ROBO2: variants seen among roughly 807,000 people sequenced by gnomAD.
ROBO2 encodes roundabout homolog 2.
In ROBO2, 53 loss-of-function variants were observed where a neutral mutation model predicts 160.8. That is an observed-to-expected ratio of 0.33 (90% CI 0.26 to 0.41). The LOEUF is 0.41. Among genes scored for constraint, ROBO2 ranks in the 10% least tolerant of loss-of-function variants. ROBO2 has a pLI of 1.00. For synonymous variants in ROBO2, 664 were observed against 611.7 expected (o/e 1.09, Z -1.26); for missense variants, 1,577 against 1,722.4 (o/e 0.92, Z 1.49).
intron 19 of ROBO2, among the ~76,000 whole-genome samples, chr3:77,601,543 C>T (rs1721175): frequency 0.56 from 85,548 of 151,868 alleles, 24,197 homozygotes; most frequent in Middle Eastern, 0.68. Flanking sequence ...AACTGTAATT[C>T]TCTAGTTCGG....
intron 2 of ROBO2, among the ~76,000 whole-genome samples, chr3:76,510,673 A>T (rs2081042439): frequency 6.6e-6 from 1 of 152,126 alleles, no homozygotes; most frequent in African/African-American, 2.4e-5. Flanking sequence ...GCAGTGGGTG[A>T]GATCCTTCCA....
At chr3:77,163,382 G>A (rs984543162) in intron 2 of ROBO2, among the ~76,000 whole-genome samples, 6 of 152,144 alleles carry the variant, frequency 3.9e-5, no homozygotes, top group African/African-American at 1.4e-4. Flanking sequence ...ATGTAAGGCA[G>A]AGGCATAGCT....
intron 2 of ROBO2, among the ~76,000 whole-genome samples, chr3:76,556,980 ACTT>A (rs1399942000): frequency 6.6e-6 from 1 of 152,072 alleles, no homozygotes; most frequent in Admixed American, 6.6e-5. Context: ...TATTTAGACT[ACTT>A]TTTGGACTAA....
rs145406834 is a variant in ROBO2, at chr3:76,854,612, C to T, written c.110-243402C>T. 1.4e-3 allele frequency among the ~76,000 whole-genome samples: 213 copies of T among 152,228 alleles called. 1 individual carries two copies. The highest frequency in any genetic ancestry group is 4.9e-3 in the African/African-American group (203 of 41,558). On this transcript the variant is annotated intron_variant, in intron 2 of 26. Transcript: ENST00000487694. ...TTTGAGAAACAGTAACTTATGCCTTCTTGTTTCAGATTTCTGCAAATTTCT... is the reference window on the plus strand; with the variant it reads ...TTTGAGAAACAGTAACTTATGCCTTTTTGTTTCAGATTTCTGCAAATTTCT...
chr3:76,900,636 T>A (rs1354118398), intron 2 of ROBO2, among the ~76,000 whole-genome samples: 1 of 152,194 alleles, frequency 6.6e-6, no homozygotes, highest in Non-Finnish European at 1.5e-5. Context: ...GGACCAACGC[T>A]GCTAGACGAT....
chr3:77,143,696 G>A (rs1028140727), intron 2 of ROBO2, among the ~76,000 whole-genome samples: 10 of 152,082 alleles, frequency 6.6e-5, no homozygotes, highest in African/African-American at 2.2e-4. Context: ...ATATAGAGTC[G>A]AGAGTATTTT....
intron 2 of ROBO2, among the ~76,000 whole-genome samples, chr3:75,950,988 T>C (rs1948512758): frequency 6.6e-6 from 1 of 152,102 alleles, no homozygotes; most frequent in African/African-American, 2.4e-5. Context: ...CTCAAATTCA[T>C]TTCAGCATTT....
intron 2 of ROBO2, among the ~76,000 whole-genome samples, chr3:77,434,834 C>T (rs1056672549): frequency 1.3e-5 from 2 of 151,972 alleles, no homozygotes; most frequent in African/African-American, 4.8e-5. Flanking sequence ...TCACTGGATA[C>T]CCTTTTATTT....
intron 2 of ROBO2, among the ~76,000 whole-genome samples, chr3:77,475,781 C>T (rs2083924282): frequency 6.6e-6 from 1 of 152,208 alleles, no homozygotes; most frequent in African/African-American, 2.4e-5. Flanking sequence ...GTGTTAACCC[C>T]TTCTCATCAG....
At chr3:76,816,104 G>A (rs551466327) in intron 2 of ROBO2, among the ~76,000 whole-genome samples, 14 of 152,176 alleles carry the variant, frequency 9.2e-5, no homozygotes, top group African/African-American at 2.9e-4. Flanking sequence ...TGCGTGATAT[G>A]TGTTATCCTC....
chr3:76,783,144 A>G (rs1201796205), intron 2 of ROBO2, among the ~76,000 whole-genome samples: 1 of 150,948 alleles, frequency 6.6e-6, no homozygotes, highest in Admixed American at 6.6e-5. Context: ...GTTACATATA[A>G]AAACTCTGTA....
chr3:76,536,745 A>G (rs973615511), intron 2 of ROBO2, among the ~76,000 whole-genome samples: 1 of 152,062 alleles, frequency 6.6e-6, no homozygotes, highest in African/African-American at 2.4e-5. Flanking sequence ...GAGAGGGGAG[A>G]GGTCAGGATG....
chr3:77,240,674 G>C (rs1201505317), intron 2 of ROBO2, among the ~76,000 whole-genome samples: 1 of 152,210 alleles, frequency 6.6e-6, no homozygotes, highest in Admixed American at 6.5e-5. Flanking sequence ...ACTGTTAGCT[G>C]AATCCAGTGA....
At chr3:75,931,180 A>G (rs577657458) in intron 1 of ROBO2, among the ~76,000 whole-genome samples, 1 of 152,264 alleles carries the variant, frequency 6.6e-6, no homozygotes, top group East Asian at 1.9e-4. Flanking sequence ...TTTCTTCTAC[A>G]TGCCAAGATG....
chr3:76,723,234 A>G (rs1183501399), intron 2 of ROBO2, among the ~76,000 whole-genome samples: 1 of 152,204 alleles, frequency 6.6e-6, no homozygotes, highest in African/African-American at 2.4e-5. Flanking sequence ...TTCGAAATAA[A>G]ATATGCTATT....
At chr3:76,583,613 C>T (rs1432933431) in intron 2 of ROBO2, among the ~76,000 whole-genome samples, 1 of 152,056 alleles carries the variant, frequency 6.6e-6, no homozygotes, top group African/African-American at 2.4e-5. Context: ...CTTTCTCTGC[C>T]CTTCACTGTC....
intron 2 of ROBO2, among the ~76,000 whole-genome samples, chr3:77,217,601 T>C (rs2085154967): frequency 6.6e-6 from 1 of 152,258 alleles, no homozygotes; most frequent in Admixed American, 6.5e-5. Flanking sequence ...TTTCATGTTG[T>C]AATTAATGGA....
At chr3:76,646,188 T>G (rs926537112) in intron 2 of ROBO2, among the ~76,000 whole-genome samples, 6 of 152,174 alleles carry the variant, frequency 3.9e-5, no homozygotes, top group Non-Finnish European at 8.8e-5. Context: ...TTTCATGGCT[T>G]TGGAGATACC....
chr3:76,105,023 C>G (rs2069858928), intron 2 of ROBO2, among the ~76,000 whole-genome samples: 1 of 152,000 alleles, frequency 6.6e-6, no homozygotes, highest in African/African-American at 2.4e-5. Flanking sequence ...TATATGTTTG[C>G]CAGGGTAAAG....
Sources: allele counts gnomAD v4.1 joint callset (sites outside exome capture counted in the v4.1 genomes callset), GRCh38; gene constraint gnomAD v4.1.1; transcripts MANE v1.5; gene names NCBI Gene and HGNC (gene_info 2026-07-23, HGNC 2026-07-21).